The following MACROD2 variants were observed in gnomAD, a reference collection of about 807,000 sequenced individuals.
The protein encoded by MACROD2 is ADP-ribose glycohydrolase MACROD2.
A neutral mutation model predicts 70.4 loss-of-function variants in MACROD2; 36 were observed. The observed-to-expected ratio is 0.51, with a 90% CI of 0.39 to 0.68. The LOEUF is 0.68. Ranked by LOEUF, MACROD2 falls within the 30% of genes least tolerant of loss-of-function variation. The probability of loss-of-function intolerance (pLI) is 0.00; values close to 1 mark genes in which losing one functional copy is unlikely to be tolerated. For missense variants in MACROD2, 496 were observed against 538.4 expected (o/e 0.92, Z 0.78); for synonymous variants, 172 against 178.8 (o/e 0.96, Z 0.30).
intron 8 of MACROD2, among the ~76,000 whole-genome samples, chr20:15,563,375 G>A (rs2048270238): frequency 6.6e-6 from 1 of 152,058 alleles, no homozygotes; most frequent in South Asian, 2.1e-4. Context: ...TTAATATCCA[G>A]TCCAGTAGAG....
At chr20:15,559,982 T>C (rs1286282218) in intron 8 of MACROD2, among the ~76,000 whole-genome samples, 2 of 152,216 alleles carry the variant, frequency 1.3e-5, no homozygotes, top group African/African-American at 4.8e-5. Context: ...GTTATGATGG[T>C]TTATTATTCT....
At chr20:14,637,912 A>G (rs1984870038) in intron 4 of MACROD2, among the ~76,000 whole-genome samples, 2 of 152,306 alleles carry the variant, frequency 1.3e-5, no homozygotes, top group African/African-American at 2.4e-5. Flanking sequence ...CTTCCAAAAA[A>G]TGTTTCTTGT....
At chr20:15,777,510 TTTCCTTCC>T (rs746262814) in intron 8 of MACROD2, among the ~76,000 whole-genome samples, 2,057 of 83,098 alleles carry the variant, frequency 0.025, 31 homozygotes, top group East Asian at 0.053. Context: ...TCCTTCCTTC[TTTCCTTCC>T]TTCCTTCCTT....
At chr20:15,542,120 G>A (rs1197029732) in intron 8 of MACROD2, among the ~76,000 whole-genome samples, 1 of 152,168 alleles carries the variant, frequency 6.6e-6, no homozygotes, top group Non-Finnish European at 1.5e-5. Flanking sequence ...ACAAAAAAAA[G>A]TATATCAGAT....
At chr20:14,099,853 T>G (rs1601223015) in intron 3 of MACROD2, among the ~76,000 whole-genome samples, 1 of 152,238 alleles carries the variant, frequency 6.6e-6, no homozygotes, top group Middle Eastern at 3.4e-3. Context: ...GTGCATAAAT[T>G]AGGTCAACTG....
intron 4 of MACROD2, among the ~76,000 whole-genome samples, chr20:14,629,876 C>G (rs1243313722): frequency 2.6e-5 from 4 of 152,150 alleles, no homozygotes; most frequent in African/African-American, 9.7e-5. Context: ...AGATTTATCT[C>G]CATTTCTCTG....
chr20:15,751,393 A>C (rs2051267111), intron 8 of MACROD2, among the ~76,000 whole-genome samples: 1 of 152,020 alleles, frequency 6.6e-6, no homozygotes, highest in Non-Finnish European at 1.5e-5. Flanking sequence ...TTTGAAAGAG[A>C]AGAAAATAAT....
chr20:14,594,338 A>T (rs2123386112), intron 4 of MACROD2, among the ~76,000 whole-genome samples: 1 of 152,360 alleles, frequency 6.6e-6, no homozygotes, highest in Non-Finnish European at 1.5e-5. Context: ...AGAAATTACA[A>T]GGCATTTATG....
intron 3 of MACROD2, among the ~76,000 whole-genome samples, chr20:14,088,912 C>T (rs2054115137): frequency 1.3e-5 from 2 of 152,228 alleles, no homozygotes; most frequent in East Asian, 1.9e-4. Flanking sequence ...TTTATCTGAT[C>T]AATTAATACA....
intron 5 of MACROD2, among the ~76,000 whole-genome samples, chr20:14,888,887 T>G (rs921431309): frequency 6.6e-5 from 10 of 152,330 alleles, no homozygotes; most frequent in African/African-American, 2.4e-4. Flanking sequence ...TGAGGGTCTC[T>G]GAGAGTCTCC....
chr20:15,499,524 G>A (rs1296943181), intron 7 of MACROD2, among the ~76,000 whole-genome samples: 1 of 152,072 alleles, frequency 6.6e-6, no homozygotes, highest in African/African-American at 2.4e-5. Context: ...ATTGTTATAA[G>A]ATTAGAGACA....
At chr20:15,261,123 G>A (rs1393540512) in intron 6 of MACROD2, among the ~76,000 whole-genome samples, 2 of 151,904 alleles carry the variant, frequency 1.3e-5, no homozygotes, top group African/African-American at 4.8e-5. Context: ...TAAAATAAAT[G>A]AGGTGCTGCT....
Position 15,973,277 on chromosome 20 carries a change from G to T in MACROD2, c.985+5647G>T, listed in dbSNP as rs11907081. Among the ~76,000 whole-genome samples, 1,081 of 152,180 alleles carry T rather than the reference G, an allele frequency of 7.1e-3. 9 individuals are homozygous for T. Among genetic ancestry groups the T allele is most frequent in the African/African-American group, 0.025 (1,020 of 41,514 alleles). ...AAAGAAAAAGAGGAAATGAGGAAGG[G>T]AATGAAGAAAGGAGGAAAGAAAAGA... On this transcript the variant is annotated intron_variant, in intron 13 of 17. Transcript: ENST00000684519.
At chr20:14,888,960 A>T (rs567888341) in intron 5 of MACROD2, among the ~76,000 whole-genome samples, 1 of 152,192 alleles carries the variant, frequency 6.6e-6, no homozygotes, top group Admixed American at 6.5e-5. Flanking sequence ...AAAGCTATTT[A>T]CCTACTTAAT....
chr20:15,955,409 C>A (rs1425229728), intron 12 of MACROD2, among the ~76,000 whole-genome samples: 5 of 152,038 alleles, frequency 3.3e-5, no homozygotes, highest in African/African-American at 9.7e-5. Context: ...ACAAATGTAC[C>A]ATTCTCTTTC....
At chr20:15,689,015 T>C (rs1442848805) in intron 8 of MACROD2, among the ~76,000 whole-genome samples, 1 of 152,184 alleles carries the variant, frequency 6.6e-6, no homozygotes, top group Non-Finnish European at 1.5e-5. Context: ...TTCAAAAAGG[T>C]AGATTGGGCC....
intron 3 of MACROD2, among the ~76,000 whole-genome samples, chr20:14,096,236 G>GT (rs1381909563): frequency 6.6e-6 from 1 of 152,012 alleles, no homozygotes; most frequent in Non-Finnish European, 1.5e-5. Flanking sequence ...TATAAAGTAT[G>GT]TATCGAGTAC....
intron 6 of MACROD2, among the ~76,000 whole-genome samples, chr20:15,359,769 G>A (rs1337598674): frequency 6.6e-6 from 1 of 152,018 alleles, no homozygotes; most frequent in East Asian, 1.9e-4. Flanking sequence ...TTCACAGGAA[G>A]TTGCAAAAAT....
At chr20:15,971,388 C>A (rs544735591) in intron 13 of MACROD2, among the ~76,000 whole-genome samples, 43 of 152,232 alleles carry the variant, frequency 2.8e-4, no homozygotes, top group Non-Finnish European at 4.6e-4. Context: ...GAAGAAGTCT[C>A]ATGAGATCTG....
Sources: gnomAD v4.1 joint callset for allele counts (sites outside exome capture counted in the v4.1 genomes callset) on GRCh38, gnomAD v4.1.1 for gene constraint, MANE v1.5 for transcripts, NCBI Gene and HGNC (gene_info 2026-07-23, HGNC 2026-07-21) for gene names.